The following GSK3A variants were observed in gnomAD, a reference collection of about 807,000 sequenced individuals.
The protein encoded by GSK3A is glycogen synthase kinase-3 alpha.
Under a neutral mutation model 56.6 loss-of-function variants are expected in GSK3A, and 14 were observed. The ratio of observed to expected loss-of-function variants is 0.25; its 90% CI spans 0.16 to 0.39. GSK3A has a LOEUF of 0.39. Among genes scored for constraint, GSK3A ranks in the 10% least tolerant of loss-of-function variants. GSK3A has a pLI of 1.00. For missense variants in GSK3A, 450 were observed against 656.0 expected (o/e 0.69, Z 3.43); for synonymous variants, 301 against 285.0 (o/e 1.06, Z -0.56).
chr19:42,234,473 T>C lies in GSK3A; in HGVS notation c.798-14A>G, dbSNP rs757063381. ...AACTGCTTTGCACTGTGGGAAGAGATGGGCAGGGGTACACGTGAGGCAAGG... is the reference window on the plus strand; with the variant it reads ...AACTGCTTTGCACTGTGGGAAGAGACGGGCAGGGGTACACGTGAGGCAAGG... On this transcript the variant is annotated splice_polypyrimidine_tract_variant and intron_variant, in intron 5 of 10. Coordinates refer to ENST00000222330, the MANE Select transcript of GSK3A (RefSeq NM_019884.3). This position sits in a 1 kb window ranked among gnomAD's most constrained non-coding sequence, Gnocchi z 5.7. 2 of 1,613,952 alleles carry C rather than the reference T, an allele frequency of 1.2e-6. No homozygotes were observed. The highest frequency in any genetic ancestry group is 1.1e-5 in the South Asian group (1 of 91,080).
chr19:42,230,906 C>T (rs776087791), intron 10 of GSK3A, 39 bp from the exon 11 acceptor site: 3 of 1,360,986 alleles, frequency 2.2e-6, no homozygotes, highest in Non-Finnish European at 3.1e-6. Flanking sequence ...TAGCCTTTGC[C>T]TTTCAGACAC....
At chr19:42,237,862 G>T (rs1321838991) in intron 2 of GSK3A, among the ~76,000 whole-genome samples, 6 of 151,750 alleles carry the variant, frequency 4.0e-5, no homozygotes, top group Admixed American at 1.3e-4. Context: ...CTGGGCGACA[G>T]ACTCTGTCTC....
Position 42,232,883 on chromosome 19 carries a change from A to G in GSK3A, c.1099-201T>C, listed in dbSNP as rs1313723147. The G allele has an allele frequency of 1.4e-5, 8 of 580,370 alleles. No homozygotes were observed. In the East Asian group the frequency reaches 1.5e-4, roughly 11 times the overall value. The allele number at this position is 580,370 out of a possible 1,614,324, so 36.0% of individuals were successfully genotyped here. A position where few individuals can be genotyped will look rare whatever the true frequency, so the allele number is the denominator to read the frequency against. On this transcript the variant is annotated intron_variant, in intron 8 of 10. Coordinates refer to ENST00000222330, the MANE Select transcript of GSK3A (RefSeq NM_019884.3). ...AAGCAGGCAGCCCAGGTCTGGGACTATATGAGCCCTGCTGACCCTCCATAA... is the reference window on the plus strand; with the variant it reads ...AAGCAGGCAGCCCAGGTCTGGGACTGTATGAGCCCTGCTGACCCTCCATAA...
intron 2 of GSK3A, among the ~76,000 whole-genome samples, chr19:42,237,719 T>C (rs1272931093): frequency 6.7e-6 from 1 of 149,350 alleles, no homozygotes; most frequent in African/African-American, 2.4e-5. Flanking sequence ...CTACTAAAAA[T>C]ACAAAAAAAA....
chr19:42,231,549 A>C (rs757348230), intron 10 of GSK3A, among the ~76,000 whole-genome samples: 4 of 152,100 alleles, frequency 2.6e-5, no homozygotes, highest in Non-Finnish European at 5.9e-5. Context: ...TAGGAGGCCA[A>C]GCGGGAAAAT....
chr19:42,236,831 CCCA>C (rs781251610), intron 3 of GSK3A, 24 bp downstream of exon 3: 264 of 1,570,080 alleles, frequency 1.7e-4, no homozygotes, highest in Non-Finnish European at 2.0e-4. Flanking sequence ...GCTGGAGCAA[CCCA>C]CCACCACCAC....
intron 2 of GSK3A, among the ~76,000 whole-genome samples, chr19:42,237,755 T>G (rs1185594012): frequency 1.3e-5 from 2 of 151,278 alleles, no homozygotes; most frequent in African/African-American, 2.4e-5. Flanking sequence ...GGCAGGCACC[T>G]GTAGTCCCAG....
At position 42,234,504 on chromosome 19, in the gene GSK3A, G is replaced by A. The variant is rs2036244121; in HGVS notation, c.797+44C>T. ...GGGGTACACGTGAGGCAAGGGTTGG[G>A]GTCCCCCCTGCCTCTTCAGCCACCC... is the stretch of plus-strand genomic sequence containing the variant. On this transcript the variant is annotated intron_variant, in intron 5 of 10. Coordinates refer to ENST00000222330, the MANE Select transcript of GSK3A (RefSeq NM_019884.3). This position sits in a 1 kb window ranked among gnomAD's most constrained non-coding sequence, Gnocchi z 5.7. 2 of 1,612,900 alleles carry A rather than the reference G, an allele frequency of 1.2e-6. No individual in the cohort carries two copies. The highest frequency in any genetic ancestry group is 1.7e-6 in the Non-Finnish European group (2 of 1,178,948).
chr19:42,230,509 G>A lies in GSK3A; in HGVS notation c.*285C>T, dbSNP rs1045087149. The A allele has an allele frequency of 1.0e-5, 5 of 491,430 alleles. No homozygotes were observed. Among genetic ancestry groups the A allele is most frequent in the Non-Finnish European group, 1.8e-5 (5 of 273,034 alleles). 30.4% of individuals were successfully genotyped at this position (491,430 alleles called of 1,614,324 possible). Reference sequence around the variant, plus strand: ...CAGGAGGGGAGGGGGTCTGGAGGAGGTGGAGGTCTGGGGGAGGGGAGGGGG... The same window carrying A: ...CAGGAGGGGAGGGGGTCTGGAGGAGATGGAGGTCTGGGGGAGGGGAGGGGG... On this transcript the variant is annotated 3_prime_UTR_variant, in exon 11 of 11. Coordinates refer to ENST00000222330, the MANE Select transcript of GSK3A (RefSeq NM_019884.3).
In GSK3A at chr19:42,242,228, G is replaced by A. The variant is rs1568467485; in HGVS notation, c.238C>T (p.Pro80Ser). ...GGCGGGAAGCTAGTGCCTGCGCCGG[G>A]GCCTCCGCTGCCTCCTCCGCCGCTG... ...GGSGGGGSGG[P>S]GAGTSFPPPG... Residue 80 changes from proline to serine, a missense_variant, in exon 1 of 11, where the codon CCC (proline) becomes TCC (serine). By Grantham distance (74) the Pro-to-Ser change is moderately conservative. Coordinates refer to ENST00000222330, the MANE Select transcript of GSK3A (RefSeq NM_019884.3). 6.9e-7 allele frequency: 1 copy of A among 1,442,354 alleles called. No individual in the cohort carries two copies. The highest frequency in any genetic ancestry group is 2.7e-5 in the Admixed American group (1 of 37,342). 89.3% of individuals were successfully genotyped at this position (1,442,354 alleles called of 1,614,324 possible). A position where few individuals can be genotyped will look rare whatever the true frequency, so the allele number is the denominator to read the frequency against.
chr19:42,232,463 C>A (rs374192677), intron 9 of GSK3A, 33 bp downstream of exon 9: 56 of 1,603,502 alleles, frequency 3.5e-5, no homozygotes, highest in Admixed American at 5.0e-5. Flanking sequence ...CCCTACCCCG[C>A]CCCACTCCCC....
At chr19:42,232,294 C>G in intron 9 of GSK3A, 145 bp from the exon 10 acceptor site, 1 of 746,304 alleles carries the variant, frequency 1.3e-6, no homozygotes, top group South Asian at 1.6e-5. Context: ...CCAGAAAAAG[C>G]TTAGCACAAG....
intron 6 of GSK3A, 43 bp from the exon 7 acceptor site, chr19:42,233,426 C>A (rs377030386): frequency 1.1e-4 from 139 of 1,244,574 alleles, no homozygotes; most frequent in Non-Finnish European, 1.5e-4. Context: ...GCGAGTAGGG[C>A]CACCAACCTC....
Position 42,230,643 on chromosome 19 carries a change from G to T in GSK3A, c.*151C>A. 1 of 649,312 alleles carries T rather than the reference G, an allele frequency of 1.5e-6. No homozygotes were observed. Among genetic ancestry groups the T allele is most frequent in the Non-Finnish European group, 2.8e-6 (1 of 354,688 alleles). 40.2% of individuals were successfully genotyped at this position (649,312 alleles called of 1,614,324 possible). On this transcript the variant is annotated 3_prime_UTR_variant, in exon 11 of 11. Coordinates refer to ENST00000222330, the MANE Select transcript of GSK3A (RefSeq NM_019884.3). Reference sequence around the variant, plus strand: ...CCCACCACAGGGGTGAGGCTGGTGAGGGAGGGACTGGAGGTGGGGACAGGG... The same window carrying T: ...CCCACCACAGGGGTGAGGCTGGTGATGGAGGGACTGGAGGTGGGGACAGGG...
In GSK3A at chr19:42,232,515, G is replaced by A. The variant is rs147678251; in HGVS notation, c.1266C>T (p.Leu422=). ...CCTCACCACCAGCACTGAAGTTGAAGAGAGGGGGAAGTGGGCGGTTGTTAG... is the reference window on the plus strand; with the variant it reads ...CCTCACCACCAGCACTGAAGTTGAAAAGAGGGGGAAGTGGGCGGTTGTTAG... ...QLPNNRPLPP[L]FNFSAGELSI... The change falls in exon 9 of 11, where the codon CTC becomes CTT. Residue 422 remains leucine (L), a synonymous_variant. Coordinates refer to ENST00000222330, the MANE Select transcript of GSK3A (RefSeq NM_019884.3). The A allele has an allele frequency of 9.4e-5, 151 of 1,614,032 alleles. No homozygotes were observed. The highest frequency in any genetic ancestry group is 1.2e-4 in the Non-Finnish European group (141 of 1,180,034).
At chr19:42,237,182 C>CA (rs1029318542) in intron 2 of GSK3A, among the ~76,000 whole-genome samples, 4 of 146,394 alleles carry the variant, frequency 2.7e-5, no homozygotes, top group African/African-American at 9.9e-5. Context: ...TTTTTTGAGA[C>CA]AGAGTCTTGC....
chr19:42,231,755 G>A (rs1340180140), intron 10 of GSK3A, among the ~76,000 whole-genome samples: 3 of 149,810 alleles, frequency 2.0e-5, no homozygotes, highest in Admixed American at 6.6e-5. Flanking sequence ...CCTGGGTGGC[G>A]AGTGAAACTC....
chr19:42,239,935 C>T lies in GSK3A; in HGVS notation c.471+20G>A, dbSNP rs373201633. 27 of 1,609,068 alleles carry T rather than the reference C, an allele frequency of 1.7e-5. No homozygotes were observed. The highest frequency in any genetic ancestry group is 2.3e-5 in the Non-Finnish European group (27 of 1,175,718). ...ACACCCAGTCCCCAAACCTCCCTGT[C>T]CCCATCCCGCCCAAGCTACCTTGAA... On this transcript the variant is annotated intron_variant, in intron 2 of 10. Transcript: ENST00000222330.
At chr19:42,232,829 C>T in intron 8 of GSK3A, 147 bp from the exon 9 acceptor site, 1 of 681,280 alleles carries the variant, frequency 1.5e-6, no homozygotes, top group Non-Finnish European at 2.4e-6. Flanking sequence ...AAGGCCCAAC[C>T]ACTAAGGAGA....
Sources: allele counts gnomAD v4.1 joint callset (sites outside exome capture counted in the v4.1 genomes callset), GRCh38; gene constraint gnomAD v4.1.1; non-coding constraint Gnocchi (gnomAD v3.1); transcripts MANE v1.5; gene names NCBI Gene and HGNC (gene_info 2026-07-23, HGNC 2026-07-21).